The following MBD5 variants were observed in gnomAD, a reference collection of about 807,000 sequenced individuals.
MBD5 encodes methyl-CpG-binding domain protein 5.
MBD5 carries 13 observed loss-of-function variants against 117.3 expected under a neutral mutation model. The observed-to-expected ratio is 0.11, with a 90% confidence interval of 0.07 to 0.18. The LOEUF (loss-of-function observed/expected upper bound fraction) is 0.18, where lower values mean the gene tolerates loss of function less well. Ranked by LOEUF, MBD5 falls within the 10% of genes least tolerant of loss-of-function variation. MBD5 has a pLI of 1.00. For synonymous variants in MBD5, 727 were observed against 766.4 expected (o/e 0.95, Z 0.85); for missense variants, 1,879 against 2,093.8 (o/e 0.90, Z 2.00).
chr2:148,436,001 G>T (rs537831054), intron 4 of MBD5, among the ~76,000 whole-genome samples: 92 of 152,340 alleles, frequency 6.0e-4, no homozygotes, highest in African/African-American at 1.6e-3. Flanking sequence ...GGCAAATTCA[G>T]TGAAAAGTTA....
At chr2:148,307,884 A>G (rs1393422550) in intron 3 of MBD5, among the ~76,000 whole-genome samples, 1 of 151,782 alleles carries the variant, frequency 6.6e-6, no homozygotes, top group Non-Finnish European at 1.5e-5. Context: ...AAGTGAGAAC[A>G]TGTGGTGTTT....
chr2:148,508,048 A>G (rs192719423), intron 12 of MBD5, among the ~76,000 whole-genome samples: 1 of 152,356 alleles, frequency 6.6e-6, no homozygotes, highest in African/African-American at 2.4e-5. Context: ...CATTACACAC[A>G]GTGCGATATT....
chr2:148,042,124 A>T (rs2105687634), intron 1 of MBD5, among the ~76,000 whole-genome samples: 1 of 152,324 alleles, frequency 6.6e-6, no homozygotes, highest in Non-Finnish European at 1.5e-5. Flanking sequence ...TCTGCTGAGC[A>T]CTTTAGTTGC....
At chr2:148,141,378 A>G (rs1469992445) in intron 1 of MBD5, among the ~76,000 whole-genome samples, 1 of 152,184 alleles carries the variant, frequency 6.6e-6, no homozygotes, top group Non-Finnish European at 1.5e-5. Flanking sequence ...CCACTAGTTG[A>G]CAGGTCCTAC....
chr2:148,229,160 G>T (rs1278772897), intron 2 of MBD5, among the ~76,000 whole-genome samples: 2 of 150,806 alleles, frequency 1.3e-5, no homozygotes, highest in Admixed American at 1.3e-4. Flanking sequence ...AGCCTGCTTT[G>T]CTTCATTGTT....
rs537983416 is a variant in MBD5 at position 148,173,920 on chromosome 2, A to G, written c.-924-4780A>G. The stretch of plus-strand genomic sequence containing the variant: ...TATCAAAATTCCAACATCATTTTTC[A>G]TAGAAATAGATTAAGAAATCCTAAA... On this transcript the variant is annotated intron_variant, in intron 1 of 13. Coordinates refer to ENST00000642680, the MANE Select transcript of MBD5 (RefSeq NM_001378120.1). Among the ~76,000 whole-genome samples, 7 of 152,318 alleles carry G rather than the reference A, an allele frequency of 4.6e-5. No individual in the cohort carries two copies. In the East Asian group the frequency reaches 5.8e-4, roughly 13 times the overall value.
Position 148,397,416 on chromosome 2 carries a change from G to A in MBD5, c.-557+55080G>A, listed in dbSNP as rs181493003. Among the ~76,000 whole-genome samples the A allele has an allele frequency of 3.3e-3, 458 of 137,720 alleles. 2 individuals are homozygous for A. The highest frequency in any genetic ancestry group is 6.3e-4 in the Non-Finnish European group (41 of 65,558). The allele number at this position is 137,720 out of a possible 152,430, so 90.3% of individuals were successfully genotyped here. A position where few individuals can be genotyped will look rare whatever the true frequency, so the allele number is the denominator to read the frequency against. On this transcript the variant is annotated intron_variant, in intron 4 of 13. Coordinates refer to ENST00000642680, the MANE Select transcript of MBD5 (RefSeq NM_001378120.1). The stretch of plus-strand genomic sequence containing the variant: ...ACGATCTCGGCTCACTGCAAGCTCC[G>A]CCTCCCAGGTTCACACCATTCTCCT...
intron 8 of MBD5, among the ~76,000 whole-genome samples, chr2:148,481,126 A>T (rs750663753): frequency 6.6e-6 from 1 of 152,116 alleles, no homozygotes; most frequent in Non-Finnish European, 1.5e-5. Context: ...TCTAAGGAAA[A>T]AGTTCAAAGG....
At chr2:148,223,996 G>A (rs1326295301) in intron 2 of MBD5, among the ~76,000 whole-genome samples, 3 of 152,062 alleles carry the variant, frequency 2.0e-5, no homozygotes, top group African/African-American at 7.2e-5. Flanking sequence ...TCATTCAGGA[G>A]CATATTGTTT....
intron 2 of MBD5, among the ~76,000 whole-genome samples, chr2:148,181,130 T>C (rs1365200615): frequency 6.6e-6 from 1 of 152,200 alleles, no homozygotes; most frequent in Non-Finnish European, 1.5e-5. Flanking sequence ...AGTGATTTCG[T>C]GCTGTGTATC....
At chr2:148,457,570 A>G (rs4972365) in intron 4 of MBD5, among the ~76,000 whole-genome samples, 135,774 of 151,962 alleles carry the variant, frequency 0.89, 60,978 homozygotes, top group East Asian at 1. Context: ...ATAGCACCTC[A>G]TAACTGAATA....
intron 11 of MBD5, among the ~76,000 whole-genome samples, chr2:148,493,452 T>C (rs888405328): frequency 2.0e-5 from 3 of 152,208 alleles, no homozygotes; most frequent in Admixed American, 2.0e-4. Flanking sequence ...CCAAATTCTT[T>C]ATGGAAGCAG....
chr2:148,351,068 TA>T (rs2105230876), intron 4 of MBD5, among the ~76,000 whole-genome samples: 1 of 152,188 alleles, frequency 6.6e-6, no homozygotes, highest in East Asian at 1.9e-4. Flanking sequence ...TTTAATACCT[TA>T]AAAACTAATC....
intron 4 of MBD5, among the ~76,000 whole-genome samples, chr2:148,359,388 GCT>G (rs995247217): frequency 6.6e-6 from 1 of 151,792 alleles, no homozygotes; most frequent in African/African-American, 2.4e-5. Context: ...GTTCATTTTT[GCT>G]CTTTCTTTGT....
intron 1 of MBD5, among the ~76,000 whole-genome samples, chr2:148,120,513 G>A (rs897914050): frequency 6.6e-6 from 1 of 152,002 alleles, no homozygotes; most frequent in Non-Finnish European, 1.5e-5. Flanking sequence ...AACACTTTTG[G>A]TTATTCATAA....
intron 4 of MBD5, among the ~76,000 whole-genome samples, chr2:148,434,171 G>A (rs2105354776): frequency 6.6e-6 from 1 of 150,898 alleles, no homozygotes; most frequent in Admixed American, 6.6e-5. Flanking sequence ...CCAGTTTGTG[G>A]TCACAGTGGT....
At chr2:148,328,411 T>C (rs1401297732) in intron 3 of MBD5, among the ~76,000 whole-genome samples, 2 of 152,206 alleles carry the variant, frequency 1.3e-5, no homozygotes, top group African/African-American at 4.8e-5. Context: ...TAAGCAAGCC[T>C]GGGCAATGGT....
chr2:148,087,214 C>CA (rs1695818771), intron 1 of MBD5, among the ~76,000 whole-genome samples: 1 of 152,124 alleles, frequency 6.6e-6, no homozygotes, highest in Admixed American at 6.5e-5. Flanking sequence ...GTGAGACTGG[C>CA]AAAAAACTCT....
chr2:148,109,734 TA>T (rs1350843046), intron 1 of MBD5, among the ~76,000 whole-genome samples: 2 of 152,188 alleles, frequency 1.3e-5, no homozygotes, highest in African/African-American at 4.8e-5. Flanking sequence ...TGGTTACAAG[TA>T]ACACCTCTTG....
Sources: allele counts gnomAD v4.1 joint callset (sites outside exome capture counted in the v4.1 genomes callset), GRCh38; gene constraint gnomAD v4.1.1; transcripts MANE v1.5; gene names NCBI Gene and HGNC (gene_info 2026-07-23, HGNC 2026-07-21).